Variants in PCDHA2 observed in about 807,000 individuals in gnomAD.
PCDHA2 encodes the protein protocadherin alpha 2, also known as protocadherin alpha-2.
In PCDHA2, 58 loss-of-function variants were observed where a neutral mutation model predicts 66.0. That is an observed-to-expected ratio of 0.88 (90% confidence interval 0.71 to 1.09). PCDHA2 has a LOEUF of 1.09. PCDHA2 is among the 50% of genes least tolerant of loss of function. The pLI is 0.00. For synonymous variants in PCDHA2, 634 were observed against 554.0 expected (o/e 1.14, Z -2.03); for missense variants, 1,267 against 1,242.3 (o/e 1.02, Z -0.30).
intron 1 of PCDHA2, among the ~76,000 whole-genome samples, chr5:140,818,462 T>G (rs1353185349): frequency 3.9e-5 from 6 of 152,212 alleles, no homozygotes; most frequent in African/African-American, 1.2e-4. Flanking sequence ...AAAGAAACTT[T>G]CCTCCCACAA....
intron 1 of PCDHA2, chr5:140,830,619 TTTC>T (rs1771166923): frequency 5.1e-6 from 3 of 592,920 alleles, no homozygotes; most frequent in East Asian, 7.2e-5. Flanking sequence ...TTTTATTGTG[TTTC>T]TTATTTTAAT....
At chr5:140,862,968 G>C in intron 1 of PCDHA2, 1 of 544,810 alleles carries the variant, frequency 1.8e-6, no homozygotes, top group Non-Finnish European at 3.6e-6. Context: ...GTGGATGCAG[G>C]CCACTTGGTG....
At chr5:140,797,520 T>G in intron 1 of PCDHA2, 168 bp downstream of exon 1, 1 of 824,340 alleles carries the variant, frequency 1.2e-6, no homozygotes, top group South Asian at 1.8e-5. Context: ...ACTGAACAAT[T>G]TATTTAAACA....
chr5:140,982,559 A>G lies in PCDHA2; in HGVS notation c.2532A>G (p.Thr844=). 1 of 1,614,170 alleles carries G rather than the reference A, an allele frequency of 6.2e-7. No homozygotes were observed. The highest frequency in any genetic ancestry group is 8.5e-7 in the Non-Finnish European group (1 of 1,180,012). Residue 844 remains threonine, a synonymous_variant, in exon 3 of 4, where the codon ACA becomes ACG. Coordinates refer to ENST00000526136, the MANE Select transcript of PCDHA2 (RefSeq NM_018905.3). The part of the protein sequence containing the change: ...DQQWPTVSSA[T]PEPEAGEVSP... ...AGTGGCCAACAGTATCCAGTGCAAC[A>G]CCAGGTAAAGAGCTGGGGTCTCTCC... is the stretch of plus-strand genomic sequence containing the variant.
At chr5:140,847,123 C>T (rs1554141658) in intron 1 of PCDHA2, among the ~76,000 whole-genome samples, 1 of 149,564 alleles carries the variant, frequency 6.7e-6, no homozygotes, top group African/African-American at 2.4e-5. Context: ...AGAATGAAAG[C>T]AGGAAAACCA....
rs113635864 is a variant in PCDHA2 at position 140,947,396 on chromosome 5, A to T, written c.2389-31553A>T. On this transcript the variant is annotated intron_variant, in intron 1 of 3. Coordinates refer to ENST00000526136, the MANE Select transcript of PCDHA2 (RefSeq NM_018905.3). ...ATATGTTTATCCTTTCACTAAAAGT[A>T]GACTGTCTTGATATTGTAGCTTTAT... Among the ~76,000 whole-genome samples the T allele has an allele frequency of 7.1e-3, 1,081 of 151,828 alleles. 11 individuals are homozygous for T. The highest frequency in any genetic ancestry group is 0.025 in the African/African-American group (1,045 of 41,538).
chr5:140,909,601 C>G (rs1554193864), intron 1 of PCDHA2, among the ~76,000 whole-genome samples: 1 of 152,170 alleles, frequency 6.6e-6, no homozygotes, highest in Non-Finnish European at 1.5e-5. Context: ...TACTATTTTT[C>G]TAGGTAGAGG....
chr5:140,802,601 C>T (rs782521904), intron 1 of PCDHA2: 9 of 1,613,982 alleles, frequency 5.6e-6, no homozygotes, highest in East Asian at 2.2e-5. Flanking sequence ...AGGAGAACAA[C>T]CCGCCGGGCT....
At chr5:140,995,352 C>T (rs976879377) in intron 3 of PCDHA2, among the ~76,000 whole-genome samples, 2 of 152,006 alleles carry the variant, frequency 1.3e-5, no homozygotes, top group Non-Finnish European at 2.9e-5. Context: ...ATGGATAGGT[C>T]GGACAGAGGG....
chr5:140,848,359 G>C, intron 1 of PCDHA2: 1 of 1,059,608 alleles, frequency 9.4e-7, no homozygotes, highest in South Asian at 1.6e-5. Context: ...TTTTCCCATG[G>C]GAAAGAGGCT....
intron 1 of PCDHA2, among the ~76,000 whole-genome samples, chr5:140,943,702 G>C (rs2153663732): frequency 6.6e-6 from 1 of 152,280 alleles, no homozygotes; most frequent in South Asian, 2.1e-4. Context: ...AAATATTGTG[G>C]AACACATTTA....
intron 1 of PCDHA2, among the ~76,000 whole-genome samples, chr5:140,900,492 G>A (rs2068087412): frequency 6.6e-6 from 1 of 152,174 alleles, no homozygotes; most frequent in African/African-American, 2.4e-5. Flanking sequence ...GGTCAGACTG[G>A]TCTCAAATTC....
In PCDHA2 at chr5:141,009,814, A is replaced by C. The variant is rs781835321; in HGVS notation, c.2724A>C (p.Lys908Asn). Residue 908 changes from lysine to asparagine, a missense_variant, in exon 4 of 4, where the codon AAA (lysine) becomes AAC (asparagine). By Grantham distance (94) the Lys-to-Asn change is moderately conservative. Coordinates refer to ENST00000526136, the MANE Select transcript of PCDHA2 (RefSeq NM_018905.3). ...RQEPTNSQID[K>N]SDFITFGKKE... ...AGCCTACTAACAGCCAAATTGACAA[A>C]AGTGACTTCATAACCTTCGGCAAAA... The C allele has an allele frequency of 6.2e-7, 1 of 1,614,124 alleles. No individual in the cohort carries two copies. The highest frequency in any genetic ancestry group is 8.5e-7 in the Non-Finnish European group (1 of 1,180,010).
At chr5:140,884,446 G>C in intron 1 of PCDHA2, 1 of 1,613,770 alleles carries the variant, frequency 6.2e-7, no homozygotes, top group Non-Finnish European at 8.5e-7. Context: ...GCTCGGCACC[G>C]CCCACCGAGG....
At chr5:140,882,065 A>C in intron 1 of PCDHA2, 1 of 831,114 alleles carries the variant, frequency 1.2e-6, no homozygotes, top group Non-Finnish European at 1.8e-6. Flanking sequence ...TTACACGTTC[A>C]TGCGCATGGT....
chr5:140,996,410 G>A (rs1195533511), intron 3 of PCDHA2, among the ~76,000 whole-genome samples: 2 of 152,222 alleles, frequency 1.3e-5, no homozygotes, highest in African/African-American at 2.4e-5. Flanking sequence ...GGTGGGGCAG[G>A]CAGTGTGAAA....
intron 1 of PCDHA2, chr5:140,857,651 A>G (rs781834004): frequency 6.3e-7 from 1 of 1,596,558 alleles, no homozygotes; most frequent in South Asian, 1.1e-5. Context: ...GTTCCAGGTG[A>G]GCGCGCGCGA....
At chr5:140,836,032 C>A (rs1554135559) in intron 1 of PCDHA2, 2 of 1,613,416 alleles carry the variant, frequency 1.2e-6, no homozygotes, top group Non-Finnish European at 8.5e-7. Context: ...AGCAACGTGA[C>A]GCTGCAGGTG....
At position 140,849,885 on chromosome 5, in the gene PCDHA2, G is replaced by A. The variant is rs2150456327; in HGVS notation, c.2388+52533G>A. On this transcript the variant is annotated intron_variant, in intron 1 of 3. Transcript: ENST00000526136. ...CGCGCAGTCCGAGTACACGGTGTTC[G>A]TGAAGGAGAACAACCCGCCGGGCTG... The A allele has an allele frequency of 1.6e-5, 25 of 1,598,614 alleles. 3 individuals carry two copies. Among genetic ancestry groups the A allele is most frequent in the Non-Finnish European group, 2.0e-5 (23 of 1,167,994 alleles).
Sources: gnomAD v4.1 joint callset for allele counts (sites outside exome capture counted in the v4.1 genomes callset) on GRCh38, gnomAD v4.1.1 for gene constraint, MANE v1.5 for transcripts, NCBI Gene and HGNC (gene_info 2026-07-23, HGNC 2026-07-21) for gene names.